The following UBQLN1 variants were observed in gnomAD, a reference collection of about 807,000 sequenced individuals.
The protein encoded by UBQLN1 is ubiquilin-1.
Under a neutral mutation model 65.4 loss-of-function variants are expected in UBQLN1, and 13 were observed. That is an observed-to-expected ratio of 0.20 (90% CI 0.13 to 0.32). UBQLN1 has a LOEUF of 0.32. Ranked by LOEUF, UBQLN1 falls within the 10% of genes least tolerant of loss-of-function variation. The pLI is 1.00. For synonymous variants in UBQLN1, 267 were observed against 247.8 expected, an observed-to-expected ratio of 1.08 and a Z score of -0.73; for missense variants, 561 against 724.0, an observed-to-expected ratio of 0.77 and a Z score of 2.58.
chr9:83,671,457 G>T (rs887343150), intron 6 of UBQLN1, among the ~76,000 whole-genome samples: 1 of 152,096 alleles, frequency 6.6e-6, no homozygotes, highest in Non-Finnish European at 1.5e-5. Context: ...TCCATGGGCT[G>T]CATGCAGAAT....
At chr9:83,702,587 T>G (rs1333551475) in intron 1 of UBQLN1, among the ~76,000 whole-genome samples, 1 of 152,220 alleles carries the variant, frequency 6.6e-6, no homozygotes, top group Non-Finnish European at 1.5e-5. Context: ...ATATTTTACT[T>G]AACTCACGAT....
chr9:83,673,273 T>G (rs2131151639), intron 6 of UBQLN1, among the ~76,000 whole-genome samples: 1 of 151,144 alleles, frequency 6.6e-6, no homozygotes, highest in African/African-American at 2.4e-5. Context: ...GTGCAGTGAC[T>G]TACACCTGTA....
intron 1 of UBQLN1, among the ~76,000 whole-genome samples, chr9:83,700,545 T>C (rs1350194969): frequency 1.3e-5 from 2 of 152,140 alleles, no homozygotes; most frequent in Admixed American, 6.5e-5. Flanking sequence ...TGAATTCTTA[T>C]CAAAAACAGG....
At chr9:83,672,049 A>G (rs1198628392) in intron 6 of UBQLN1, among the ~76,000 whole-genome samples, 2 of 152,194 alleles carry the variant, frequency 1.3e-5, no homozygotes, top group Non-Finnish European at 2.9e-5. Context: ...CCTTAAACAT[A>G]AGCCAGTCAA....
rs1317747339 is a variant in UBQLN1 at position 83,669,256 on chromosome 9, T to C, written c.1177A>G (p.Asn393Asp). ...QITENPQLMQNMLSAPYMRSM... is the reference protein window; with the variant it reads ...QITENPQLMQDMLSAPYMRSM... ...CTCATGTAGGGGGCAGACAACATGT[T>C]TTGCATCAGTTGTGGGTTTTCAGTT... is the stretch of plus-strand genomic sequence containing the variant. Residue 393 changes from asparagine to aspartate, a missense_variant, in exon 7 of 11, where the codon AAC becomes GAC. Asn to Asp is a conservative substitution (Grantham distance 23). This residue lies in a region of UBQLN1 where 102 missense variants were observed against 150.7 expected (regional missense o/e 0.68). Transcript: ENST00000376395. 1.6e-5 allele frequency: 26 copies of C among 1,612,870 alleles called. No individual in the cohort carries two copies. Among genetic ancestry groups the C allele is most frequent in the Non-Finnish European group, 2.2e-5 (26 of 1,179,810 alleles).
intron 1 of UBQLN1, among the ~76,000 whole-genome samples, chr9:83,695,941 A>G (rs535040703): frequency 6.6e-6 from 1 of 152,224 alleles, no homozygotes; most frequent in East Asian, 1.9e-4. Context: ...TTCACTTTTC[A>G]AATTAATTTT....
chr9:83,673,961 G>A (rs1187297888), intron 6 of UBQLN1, among the ~76,000 whole-genome samples: 1 of 151,934 alleles, frequency 6.6e-6, no homozygotes, highest in Non-Finnish European at 1.5e-5. Context: ...ACCATGCCCG[G>A]TTACTTTTTG....
At chr9:83,671,480 A>G (rs991229702) in intron 6 of UBQLN1, among the ~76,000 whole-genome samples, 8 of 152,216 alleles carry the variant, frequency 5.3e-5, no homozygotes, top group African/African-American at 1.7e-4. Context: ...ATGCTGTGTT[A>G]GTTAACAGGC....
chr9:83,668,476 T>C, intron 7 of UBQLN1: 4 of 985,364 alleles, frequency 4.1e-6, no homozygotes, highest in Non-Finnish European at 4.8e-6. Context: ...ACCTAGATAG[T>C]ACCTAGGCAA....
rs548381617 is a variant in UBQLN1 at position 83,661,540 on chromosome 9, A to G, written c.*247T>C. 2 of 349,614 alleles carry G rather than the reference A, an allele frequency of 5.7e-6. No homozygotes were observed. Among genetic ancestry groups the G allele is most frequent in the South Asian group, 1.1e-4 (1 of 9,294 alleles). The allele number at this position is 349,614 out of a possible 1,614,324, so 21.7% of individuals were successfully genotyped here. On this transcript the variant is annotated 3_prime_UTR_variant, in exon 11 of 11. Transcript: ENST00000376395. ...TCTGGTCACCCAACTATAAAAGGTG[A>G]TGTTTTTAAAAAATTACAATAAATG... is the stretch of plus-strand genomic sequence containing the variant.
In UBQLN1 at chr9:83,677,897, G is replaced by C; in HGVS notation, c.935C>G (p.Ser312Cys). ...NTSSGEGSQP[S>C]RTENRDPLPN... Reference sequence around the variant, plus strand: ...TAGTGGATCTCTATTTTCTGTACGGGAAGGTTGACTACCTTCACCAGAGGA... The same window carrying C: ...TAGTGGATCTCTATTTTCTGTACGGCAAGGTTGACTACCTTCACCAGAGGA... Residue 312 changes from serine to cysteine, a missense_variant, in exon 6 of 11, where the codon TCC becomes TGC. Ser to Cys is a moderately radical substitution (Grantham distance 112). Around this residue, in one of 8 missense-constraint regions of UBQLN1, gnomAD observed 89 missense variants for 77.8 expected, o/e 1.14. Transcript: ENST00000376395. 6.2e-7 allele frequency: 1 copy of C among 1,614,148 alleles called. No individual in the cohort carries two copies.
At chr9:83,695,109 TA>T in intron 1 of UBQLN1, among the ~76,000 whole-genome samples, 1 of 151,288 alleles carries the variant, frequency 6.6e-6, no homozygotes, top group Admixed American at 6.6e-5. Flanking sequence ...AGGTAAAAAT[TA>T]TATATGAACA....
chr9:83,674,611 C>T (rs932027431), intron 6 of UBQLN1, among the ~76,000 whole-genome samples: 1 of 152,154 alleles, frequency 6.6e-6, no homozygotes, highest in African/African-American at 2.4e-5. Context: ...AGAAAATAAA[C>T]TCACTGAAGT....
intron 9 of UBQLN1, 120 bp from the exon 10 acceptor site, chr9:83,664,163 G>A (rs989537062): frequency 2.8e-6 from 3 of 1,060,802 alleles, no homozygotes; most frequent in Middle Eastern, 3.2e-4. Flanking sequence ...TTTTGGCCTG[G>A]TGCAGTGGCT....
intron 1 of UBQLN1, among the ~76,000 whole-genome samples, chr9:83,697,910 A>G (rs1358594393): frequency 6.6e-6 from 1 of 151,888 alleles, no homozygotes; most frequent in Non-Finnish European, 1.5e-5. Context: ...CAAATCTTGT[A>G]TCTTTAGTAG....
At chr9:83,689,141 C>A (rs568355844) in intron 1 of UBQLN1, among the ~76,000 whole-genome samples, 2 of 152,146 alleles carry the variant, frequency 1.3e-5, no homozygotes, top group African/African-American at 4.8e-5. Flanking sequence ...TGTTTCCATA[C>A]GAGTATTTCA....
intron 6 of UBQLN1, among the ~76,000 whole-genome samples, chr9:83,670,194 T>G (rs1203162275): frequency 6.6e-6 from 1 of 152,076 alleles, no homozygotes; most frequent in Non-Finnish European, 1.5e-5. Flanking sequence ...ACACTCAAAC[T>G]CAAATATATT....
intron 2 of UBQLN1, among the ~76,000 whole-genome samples, chr9:83,683,659 G>A (rs1409189736): frequency 1.3e-5 from 2 of 152,124 alleles, no homozygotes; most frequent in Non-Finnish European, 2.9e-5. Context: ...TGTAAGAGAT[G>A]GAGGTAGGTT....
chr9:83,681,096 C>T (rs1831932676), intron 3 of UBQLN1, among the ~76,000 whole-genome samples: 1 of 152,160 alleles, frequency 6.6e-6, no homozygotes, highest in Non-Finnish European at 1.5e-5. Context: ...GTTTTATTAA[C>T]AGGAAGCAGA....
Sources: gnomAD v4.1 joint callset for allele counts (sites outside exome capture counted in the v4.1 genomes callset) on GRCh38, gnomAD v4.1.1 for gene constraint, gnomAD v4.1.1 regional missense constraint, MANE v1.5 for transcripts, NCBI Gene and HGNC (gene_info 2026-07-23, HGNC 2026-07-21) for gene names.